Variants in STX11 observed in about 807,000 individuals in gnomAD.
STX11 encodes the protein syntaxin 11.
STX11 carries 21 observed loss-of-function variants against 19.9 expected under a neutral mutation model. That is an observed-to-expected ratio of 1.06 (90% CI 0.75 to 1.52). The LOEUF (loss-of-function observed/expected upper bound fraction) is 1.52. STX11 is among the 40% of genes most tolerant of loss of function. The pLI is 0.00. For synonymous variants in STX11, 193 were observed against 174.4 expected, an observed-to-expected ratio of 1.11 and a Z score of -0.84; for missense variants, 438 against 405.9, an observed-to-expected ratio of 1.08 and a Z score of -0.68.
At position 144,183,461 on chromosome 6, in the gene STX11, T is replaced by C. The variant is rs553449565; in HGVS notation, c.-5-3162T>C. Reference sequence around the variant, plus strand: ...TATATCTTTAGAATAAATGCACATATGTCAAAACAAATGCACACTTGAAAA... The same window carrying C: ...TATATCTTTAGAATAAATGCACATACGTCAAAACAAATGCACACTTGAAAA... On this transcript the variant is annotated intron_variant, in intron 1 of 1. Transcript: ENST00000367568. This position sits in a 1 kb window ranked among gnomAD's most constrained non-coding sequence, Gnocchi z 4.6. Among the ~76,000 whole-genome samples, 628 of 152,360 alleles carry C rather than the reference T, an allele frequency of 4.1e-3. 2 individuals carry two copies. The highest frequency in any genetic ancestry group is 6.3e-3 in the Non-Finnish European group (427 of 68,034).
chr6:144,148,658 C>CT (rs1398286228), upstream of STX11, among the ~76,000 whole-genome samples: 1 of 152,132 alleles, frequency 6.6e-6, no homozygotes, highest in Non-Finnish European at 1.5e-5. Context: ...TCCCCAAGTC[C>CT]TTTTTCTGTC....
At chr6:144,181,185 G>A (rs554306569) in intron 1 of STX11, among the ~76,000 whole-genome samples, 3 of 152,270 alleles carry the variant, frequency 2.0e-5, no homozygotes, top group African/African-American at 4.8e-5. Flanking sequence ...TTCCAGTGGG[G>A]GAGAGAGGCC....
chr6:144,150,144 C>T (rs1188665032), upstream of STX11, among the ~76,000 whole-genome samples: 1 of 152,168 alleles, frequency 6.6e-6, no homozygotes, highest in Non-Finnish European at 1.5e-5. Context: ...CGCTCAGAGA[C>T]GGCTTCCAGC....
In STX11 at chr6:144,172,414, C is replaced by G. The variant is rs1801664203; in HGVS notation, c.-5-14209C>G. ...CATAATGGTTTCAGTGTTCCCAGAG[C>G]AGATAAGCCCCAAGGTGCTAGTGCT... On this transcript the variant is annotated intron_variant, in intron 1 of 1. Transcript: ENST00000367568. The surrounding 1 kb of genome is among the most constrained non-coding windows in gnomAD (Gnocchi z 4.2). Among the ~76,000 whole-genome samples, 1 of 152,138 alleles carries G rather than the reference C, an allele frequency of 6.6e-6. No individual in the cohort carries two copies. Among genetic ancestry groups the G allele is most frequent in the South Asian group, 2.1e-4 (1 of 4,828 alleles).
chr6:144,144,894 A>G, the STX11 span, among the ~76,000 whole-genome samples: 1 of 152,224 alleles, frequency 6.6e-6, no homozygotes, highest in African/African-American at 2.4e-5. Flanking sequence ...TCTAAGGGGA[A>G]TAAGTGTTGG....
At position 144,169,636 on chromosome 6, in the gene STX11, C is replaced by G. The variant is rs1387415731; in HGVS notation, c.-5-16987C>G. On this transcript the variant is annotated intron_variant, in intron 1 of 1. Coordinates refer to ENST00000367568, the MANE Select transcript of STX11 (RefSeq NM_003764.4). The surrounding 1 kb of genome is among the most constrained non-coding windows in gnomAD (Gnocchi z 5.2). ...TCCTCCCTCCTCCCCTTCCTTTTTT[C>G]TCTCCTTTTCTTTTCCCTCCCTCCC... Among the ~76,000 whole-genome samples, 1 of 151,308 alleles carries G rather than the reference C, an allele frequency of 6.6e-6. No homozygotes were observed. Among genetic ancestry groups the G allele is most frequent in the African/African-American group, 2.4e-5 (1 of 41,176 alleles).
the STX11 span, among the ~76,000 whole-genome samples, chr6:144,144,193 C>T: frequency 2.2e-4 from 33 of 152,154 alleles, no homozygotes; most frequent in African/African-American, 8.0e-4. Context: ...ATGATCCTTG[C>T]CTTCTTGAAA....
chr6:144,154,036 C>T lies in STX11; in HGVS notation c.-6+3333C>T. On this transcript the variant is annotated intron_variant, in intron 1 of 1. Transcript: ENST00000367568. The surrounding 1 kb of genome is among the most constrained non-coding windows in gnomAD (Gnocchi z 4.7). ...TCCTAGACTCACTATGTGCGTTAAG[C>T]CTTTTACTCGTCAGTACAATCCTGT... Among the ~76,000 whole-genome samples, 1 of 152,142 alleles carries T rather than the reference C, an allele frequency of 6.6e-6. No individual in the cohort carries two copies. Among genetic ancestry groups the T allele is most frequent in the East Asian group, 1.9e-4 (1 of 5,198 alleles).
At position 144,155,946 on chromosome 6, in the gene STX11, CTTTCTTTCTTTCTTTCTTTCTTTCTTT is replaced by C. The variant is rs1331884691; in HGVS notation, c.-6+5244_-6+5270del. 2.1e-4 allele frequency among the ~76,000 whole-genome samples: 5 copies of C among 23,872 alleles called. No individual in the cohort carries two copies. Among genetic ancestry groups the C allele is most frequent in the Admixed American group, 1.3e-3 (2 of 1,572 alleles). The allele number at this position is 23,872 out of a possible 152,430, so 15.7% of individuals were successfully genotyped here. On this transcript the variant is annotated intron_variant, in intron 1 of 1. Coordinates refer to ENST00000367568, the MANE Select transcript of STX11 (RefSeq NM_003764.4). The surrounding 1 kb of genome is among the most constrained non-coding windows in gnomAD (Gnocchi z 4.5). ...AAATGTGTTTTAAAATTTAATCTTTCTTTCTTTCTTTCTTTCTTTCTTTCTTTCTTTCTTTCTTTCTTTCTTTCTTTC... is the reference window on the plus strand; with the variant it reads ...AAATGTGTTTTAAAATTTAATCTTTCCTTTCTTTCTTTCTTTCTTTCTTTC...
rs1801369590 is a variant in STX11, at chr6:144,162,508, G to A, written c.-6+11805G>A. The stretch of plus-strand genomic sequence containing the variant: ...CAATTTGCTATTTTATCCAGAATGT[G>A]GAAGGCGTCTTCAAAAATGCAAATA... On this transcript the variant is annotated intron_variant, in intron 1 of 1. Coordinates refer to ENST00000367568, the MANE Select transcript of STX11 (RefSeq NM_003764.4). This position sits in a 1 kb window ranked among gnomAD's most constrained non-coding sequence, Gnocchi z 4.6. Among the ~76,000 whole-genome samples the A allele has an allele frequency of 6.6e-6, 1 of 152,192 alleles. No homozygotes were observed. Among genetic ancestry groups the A allele is most frequent in the Non-Finnish European group, 1.5e-5 (1 of 68,036 alleles).
rs940132309 is a variant in STX11, at chr6:144,188,968, C to T, written c.*1477C>T. Among the ~76,000 whole-genome samples the T allele has an allele frequency of 9.2e-5, 14 of 151,982 alleles. No homozygotes were observed. The highest frequency in any genetic ancestry group is 1.8e-4 in the Non-Finnish European group (12 of 67,988). On this transcript the variant is annotated 3_prime_UTR_variant, in exon 2 of 2. Coordinates refer to ENST00000367568, the MANE Select transcript of STX11 (RefSeq NM_003764.4). ...GTCTTGATCTCCTGACCTCGTGATCCGCCCGCCTCAGCCTCCCATAGTGCT... is the reference window on the plus strand; with the variant it reads ...GTCTTGATCTCCTGACCTCGTGATCTGCCCGCCTCAGCCTCCCATAGTGCT...
Position 144,187,466 on chromosome 6 carries a change from G to T in STX11, c.839G>T (p.Cys280Phe). ...AAGAACCCCTGCCGGACCCTCTGCT[G>T]CTTCTGCTGTCCCTGCCTCAAGTAG... is the stretch of plus-strand genomic sequence containing the variant. ...EEKNPCRTLCCFCCPCLK is the reference protein window; with the variant it reads ...EEKNPCRTLCFFCCPCLK The change falls in exon 2 of 2, where the codon TGC (cysteine) becomes TTC (phenylalanine). Residue 280 changes from cysteine (C) to phenylalanine (F), a missense_variant. Cys to Phe is a radical substitution (Grantham distance 205). Transcript: ENST00000367568. This position sits in a 1 kb window ranked among gnomAD's most constrained non-coding sequence, Gnocchi z 5.6. 6.2e-7 allele frequency: 1 copy of T among 1,612,366 alleles called. No individual in the cohort carries two copies. The highest frequency in any genetic ancestry group is 8.5e-7 in the Non-Finnish European group (1 of 1,179,984).
Position 144,150,895 on chromosome 6 carries a change from GGTTTCTCA to G in STX11, c.-6+193_-6+200del, listed in dbSNP as rs147665284. Among the ~76,000 whole-genome samples, 884 of 152,248 alleles carry G rather than the reference GGTTTCTCA, an allele frequency of 5.8e-3. 31 individuals carry two copies. The East Asian group carries it at 0.11, about 18-fold the overall frequency. ...GGGCACCTTCGGAAACACAGCATTG[GGTTTCTCA>G]TATAAAGCAGAATGATTTTTTAAAA... On this transcript the variant is annotated intron_variant, in intron 1 of 1. Transcript: ENST00000367568.
chr6:144,146,819 A>T (rs373647913), upstream of STX11, among the ~76,000 whole-genome samples: 8 of 152,240 alleles, frequency 5.3e-5, no homozygotes, highest in East Asian at 9.6e-4. The surrounding 1 kb of genome is among the most constrained non-coding windows in gnomAD (Gnocchi z 4.4). Context: ...GTCCTCCCAA[A>T]GTGCTGGGTT....
At chr6:144,179,840 A>G (rs1323534427) in intron 1 of STX11, among the ~76,000 whole-genome samples, 1 of 152,240 alleles carries the variant, frequency 6.6e-6, no homozygotes, top group African/African-American at 2.4e-5. Context: ...TCATATGTTT[A>G]CAATTGGTAT....
the STX11 span, among the ~76,000 whole-genome samples, chr6:144,144,882 A>G: frequency 6.6e-6 from 1 of 152,234 alleles, no homozygotes; most frequent in Admixed American, 6.5e-5. Context: ...AATCAAAGAT[A>G]GTCTAAGGGG....
rs1482310769 is a variant in STX11, at chr6:144,189,865, A to G, written c.*2374A>G. Among the ~76,000 whole-genome samples, 1 of 152,214 alleles carries G rather than the reference A, an allele frequency of 6.6e-6. No homozygotes were observed. The highest frequency in any genetic ancestry group is 6.5e-5 in the Admixed American group (1 of 15,288). On this transcript the variant is annotated 3_prime_UTR_variant, in exon 2 of 2. Coordinates refer to ENST00000367568, the MANE Select transcript of STX11 (RefSeq NM_003764.4). ...TTTGCTTTCTCTAAGGGAAAGGGGAAAAAATGTTCACATAGCTCCACTGCA... is the reference window on the plus strand; with the variant it reads ...TTTGCTTTCTCTAAGGGAAAGGGGAGAAAATGTTCACATAGCTCCACTGCA...
At chr6:144,173,770 T>A (rs181498921) in intron 1 of STX11, among the ~76,000 whole-genome samples, 78 of 152,340 alleles carry the variant, frequency 5.1e-4, no homozygotes, top group African/African-American at 1.9e-3. Flanking sequence ...CCCTGACTGC[T>A]CTCGCAGTTT....
At chr6:144,140,256 T>TATATATATATA in the STX11 span, among the ~76,000 whole-genome samples, 17 of 73,964 alleles carry the variant, frequency 2.3e-4, no homozygotes, top group Non-Finnish European at 4.3e-4. Context: ...ATATATATAT[T>TATATATATATA]TATTTATTTA....
Sources: allele counts gnomAD v4.1 joint callset (sites outside exome capture counted in the v4.1 genomes callset), GRCh38; gene constraint gnomAD v4.1.1; non-coding constraint Gnocchi (gnomAD v3.1); transcripts MANE v1.5; gene names NCBI Gene and HGNC (gene_info 2026-07-23, HGNC 2026-07-21).